The following GEM variants were observed in gnomAD, a reference collection of about 807,000 sequenced individuals.
GEM encodes GTP binding protein overexpressed in skeletal muscle, also known as GTP-binding protein GEM.
A neutral mutation model predicts 33.0 loss-of-function variants in GEM; 31 were observed. That is an observed-to-expected ratio of 0.94 (90% CI 0.71 to 1.27). GEM has a LOEUF of 1.27. Among genes scored for constraint, GEM ranks in the 50% most tolerant of loss-of-function variants. GEM has a pLI of 0.00. For missense variants in GEM, 354 were observed against 390.5 expected, an observed-to-expected ratio of 0.91 and a Z score of 0.79; for synonymous variants, 141 against 143.7, an observed-to-expected ratio of 0.98 and a Z score of 0.13.
In GEM at chr8:94,252,198, T is replaced by C. The variant is rs1808791598; in HGVS notation, c.434A>G (p.His145Arg). Residue 145 changes from histidine (H) to arginine (R), a missense_variant, in exon 4 of 5, where the codon CAC (histidine) becomes CGC (arginine). His to Arg is a conservative substitution (Grantham distance 29). Transcript: ENST00000297596. ...NKGENEWLHD[H>R]CMQVGDAYLI... The stretch of plus-strand genomic sequence containing the variant: ...GTATGCGTCCCCGACCTGCATGCAG[T>C]GGTCATGGAGCCATTCATTTTCCCC... 1 of 1,611,310 alleles carries C rather than the reference T, an allele frequency of 6.2e-7. No individual in the cohort carries two copies. The highest frequency in any genetic ancestry group is 1.3e-5 in the African/African-American group (1 of 74,866).
At chr8:94,251,191 G>C (rs1380644127) in intron 4 of GEM, among the ~76,000 whole-genome samples, 1 of 152,046 alleles carries the variant, frequency 6.6e-6, no homozygotes, top group Non-Finnish European at 1.5e-5. Context: ...GAGATATCTT[G>C]GGAAAAAATT....
At chr8:94,253,234 T>C in intron 2 of GEM, 122 bp from the exon 3 acceptor site, 1 of 646,470 alleles carries the variant, frequency 1.5e-6, no homozygotes, top group South Asian at 1.9e-5. Context: ...ATTATGTAAG[T>C]ATACAGATAT....
chr8:94,260,021 T>A, intron 2 of GEM, 152 bp downstream of exon 2: 2 of 577,140 alleles, frequency 3.5e-6, no homozygotes, highest in South Asian at 4.9e-5. Flanking sequence ...AAGCCTGTGC[T>A]TGGGCTTTTC....
Position 94,249,671 on chromosome 8 carries a change from A to C in GEM, c.*639T>G, listed in dbSNP as rs1312678338. ...TTCCCCCTAAATAAGAAATTGTAAG[A>C]TATAATTTTTGAGCCTATAAGGGAC... On this transcript the variant is annotated 3_prime_UTR_variant, in exon 5 of 5. Coordinates refer to ENST00000297596, the MANE Select transcript of GEM (RefSeq NM_005261.4). 2 of 152,182 alleles carry C rather than the reference A, an allele frequency of 1.3e-5. No homozygotes were observed. The highest frequency in any genetic ancestry group is 2.9e-5 in the Non-Finnish European group (2 of 68,038). 9.4% of individuals were successfully genotyped at this position (152,182 alleles called of 1,614,324 possible). A position where few individuals can be genotyped will look rare whatever the true frequency, so the allele number is the denominator to read the frequency against.
chr8:94,251,252 A>G (rs2129749667), intron 4 of GEM, among the ~76,000 whole-genome samples: 1 of 152,352 alleles, frequency 6.6e-6, no homozygotes, highest in East Asian at 1.9e-4. Flanking sequence ...CTTTTCTGGG[A>G]CAGTCTCAAT....
At chr8:94,254,745 G>A (rs76655282) in intron 2 of GEM, among the ~76,000 whole-genome samples, 20,192 of 152,076 alleles carry the variant, frequency 0.13, 1,875 homozygotes, top group African/African-American at 0.26. Context: ...ATCAGGAGAG[G>A]TTTCCCTTCC....
At chr8:94,255,825 CTA>C (rs1808880431) in intron 2 of GEM, among the ~76,000 whole-genome samples, 1 of 152,082 alleles carries the variant, frequency 6.6e-6, no homozygotes. Flanking sequence ...TGTGCACACT[CTA>C]TGTAGCAAAA....
chr8:94,253,736 C>T (rs4734274), intron 2 of GEM, among the ~76,000 whole-genome samples: 7,422 of 152,236 alleles, frequency 0.049, 432 homozygotes, highest in African/African-American at 0.14. Context: ...CAGCCTCCAG[C>T]TCTACTTGGT....
At position 94,252,037 on chromosome 8, in the gene GEM, G is replaced by A. The variant is rs138582164; in HGVS notation, c.595C>T (p.Arg199Ter). Reference sequence around the variant, plus strand: ...CTCTTACCTGATACAGACACTTCTCGGCACCGCACTAAGTCACTTTTGTTG... The same window carrying A: ...CTCTTACCTGATACAGACACTTCTCAGCACCGCACTAAGTCACTTTTGTTG... ...VGNKSDLVRC[R>*]EVSVSEGRAC... Residue 199 changes from arginine to a stop codon, truncating the protein, a stop_gained, in exon 4 of 5, where the codon CGA (arginine) becomes TGA (stop). Coordinates refer to ENST00000297596, the MANE Select transcript of GEM (RefSeq NM_005261.4). LOFTEE classifies it high-confidence loss of function. 666 of 1,613,034 alleles carry A rather than the reference G, an allele frequency of 4.1e-4. 1 individual carries two copies. The highest frequency in any genetic ancestry group is 5.4e-4 in the Non-Finnish European group (634 of 1,179,126).
chr8:94,251,993 T>C (rs1808778689), intron 4 of GEM, 26 bp downstream of exon 4: 2 of 1,546,746 alleles, frequency 1.3e-6, no homozygotes, highest in African/African-American at 2.7e-5. Context: ...CGATTGTTTC[T>C]ACAGTATTGG....
At chr8:94,256,178 C>T (rs1454397340) in intron 2 of GEM, among the ~76,000 whole-genome samples, 1 of 151,718 alleles carries the variant, frequency 6.6e-6, no homozygotes, top group Non-Finnish European at 1.5e-5. Flanking sequence ...TTGACGTCTC[C>T]TCTTAGTAAT....
In GEM at chr8:94,260,251, C is replaced by G. The variant is rs139494082; in HGVS notation, c.253G>C (p.Gly85Arg). The G allele has an allele frequency of 3.5e-5, 57 of 1,613,572 alleles. No individual in the cohort carries two copies. The highest frequency in any genetic ancestry group is 1.5e-4 in the African/African-American group (11 of 74,936). ...TTGGCCAGAGTGGACTTGCCCACCC[C>G]CTGCTCCCCTATGAGCACCACTCGG... ...YYRVVLIGEQ[G>R]VGKSTLANIF... The change falls in exon 2 of 5, where the codon GGG (glycine) becomes CGG (arginine). Residue 85 changes from glycine (G) to arginine (R), a missense_variant. Gly to Arg is a moderately radical substitution (Grantham distance 125, BLOSUM62 -2). Transcript: ENST00000297596.
chr8:94,254,042 C>A (rs1316835878), intron 2 of GEM, among the ~76,000 whole-genome samples: 1 of 152,006 alleles, frequency 6.6e-6, no homozygotes, highest in East Asian at 1.9e-4. Context: ...GAATCTTTTC[C>A]CTCAAATACC....
At chr8:94,260,795 C>T in intron 1 of GEM, 1 of 310,160 alleles carries the variant, frequency 3.2e-6, no homozygotes, top group South Asian at 7.7e-5. Context: ...ATGGGCTTCC[C>T]CCTTCCTCAA....
At position 94,250,454 on chromosome 8, in the gene GEM, A is replaced by G. The variant is rs750125754; in HGVS notation, c.747T>C (p.Asn249=). 14 of 1,614,078 alleles carry G rather than the reference A, an allele frequency of 8.7e-6. No individual in the cohort carries two copies. Among genetic ancestry groups the G allele is most frequent in the Non-Finnish European group, 1.2e-5 (14 of 1,180,054 alleles). The part of the protein sequence containing the change: ...VRLRRDSKEK[N]ERRLAYQKRK... ...TTTTCTGGTAGGCCAGCCGCCGTTCATTCTTCTCCTTGCTGTCCCGCCGAA... is the reference window on the plus strand; with the variant it reads ...TTTTCTGGTAGGCCAGCCGCCGTTCGTTCTTCTCCTTGCTGTCCCGCCGAA... Residue 249 remains asparagine, a synonymous_variant, in exon 5 of 5, where the codon AAT becomes AAC. Transcript: ENST00000297596.
rs370415265 is a variant in GEM at position 94,260,463 on chromosome 8, C to A, written c.41G>T (p.Gly14Val). ...CCAGCGCTGCTGCTGTGGCTGCATG[C>A]CCACAGTGCCCTGGCGCATGGTGAC... is the stretch of plus-strand genomic sequence containing the variant. ...NNVTMRQGTV[G>V]MQPQQQRWSI... is the part of the protein sequence containing the mutation. Residue 14 changes from glycine to valine, a missense_variant, in exon 2 of 5, where the codon GGC (glycine) becomes GTC (valine). Physicochemically the swap from Gly to Val is moderately radical, Grantham distance 109. Coordinates refer to ENST00000297596, the MANE Select transcript of GEM (RefSeq NM_005261.4). 1.7e-5 allele frequency: 27 copies of A among 1,611,112 alleles called. No homozygotes were observed. The highest frequency in any genetic ancestry group is 2.2e-5 in the Non-Finnish European group (26 of 1,177,970).
intron 2 of GEM, among the ~76,000 whole-genome samples, chr8:94,258,974 C>A (rs1808957709): frequency 6.6e-6 from 1 of 152,216 alleles, no homozygotes; most frequent in African/African-American, 2.4e-5. Context: ...ATGCTAGCCC[C>A]TTCCTCCCGT....
intron 2 of GEM, among the ~76,000 whole-genome samples, chr8:94,256,618 G>C (rs1373428923): frequency 6.6e-6 from 1 of 152,038 alleles, no homozygotes; most frequent in Admixed American, 6.6e-5. Context: ...TAGCTCAGGG[G>C]ATCCCAAGGA....
At chr8:94,253,660 T>TA (rs1563606133) in intron 2 of GEM, among the ~76,000 whole-genome samples, 6 of 152,142 alleles carry the variant, frequency 3.9e-5, no homozygotes, top group African/African-American at 9.6e-5. Context: ...CTTCCTTTTT[T>TA]TAAAAAAAAT....
Sources: gnomAD v4.1 joint callset for allele counts (sites outside exome capture counted in the v4.1 genomes callset) on GRCh38, gnomAD v4.1.1 for gene constraint, MANE v1.5 for transcripts, NCBI Gene and HGNC (gene_info 2026-07-23, HGNC 2026-07-21) for gene names.